The following GLB1 variants were observed in gnomAD, a reference collection of about 807,000 sequenced individuals.
GLB1 encodes the protein galactosidase beta 1, also known as beta-galactosidase.
GLB1 carries 56 observed loss-of-function variants against 74.0 expected under a neutral mutation model. The ratio of observed to expected loss-of-function variants is 0.76; its 90% CI spans 0.61 to 0.94. GLB1 has a LOEUF of 0.94. Ranked by LOEUF, GLB1 falls within the 40% of genes least tolerant of loss-of-function variation. The pLI, the probability that GLB1 is intolerant of heterozygous loss-of-function variation, is 0.00. For missense variants in GLB1, 787 were observed against 845.5 expected (o/e 0.93, Z 0.86); for synonymous variants, 323 against 323.6 (o/e 1.00, Z 0.02).
intron 10 of GLB1, among the ~76,000 whole-genome samples, chr3:33,026,370 G>A (rs1697755827): frequency 6.6e-6 from 1 of 152,194 alleles, no homozygotes; most frequent in South Asian, 2.1e-4. Flanking sequence ...CTGGACTTTG[G>A]GCACCGATGA....
intron 15 of GLB1, among the ~76,000 whole-genome samples, chr3:33,011,571 G>A (rs1260589024): frequency 6.7e-6 from 1 of 150,128 alleles, no homozygotes; most frequent in African/African-American, 2.4e-5. Flanking sequence ...CTTGAGCCCG[G>A]GAGGCAGAGG....
chr3:32,965,559 T>C, the GLB1 span, among the ~76,000 whole-genome samples: 1 of 152,066 alleles, frequency 6.6e-6, no homozygotes, highest in South Asian at 2.1e-4. Flanking sequence ...ATTTGCCGAC[T>C]GATGATTTAA....
At position 32,999,048 on chromosome 3, in the gene GLB1, G is replaced by A. The variant is rs150423758; in HGVS notation, c.1735-1704C>T. ...AAGGAACAGTGTGTGGCCTGTAAGC[G>A]GTAGCACTCCTTACATGATTAAAGT... On this transcript the variant is annotated intron_variant, in intron 15 of 15. Transcript: ENST00000307363. 2.6e-3 allele frequency among the ~76,000 whole-genome samples: 397 copies of A among 152,288 alleles called. 3 individuals are homozygous for A. The highest frequency in any genetic ancestry group is 4.1e-3 in the Admixed American group (63 of 15,292).
At chr3:33,067,928 C>G (rs1414255580) in intron 4 of GLB1, among the ~76,000 whole-genome samples, 1 of 152,186 alleles carries the variant, frequency 6.6e-6, no homozygotes, top group East Asian at 1.9e-4. Context: ...CTTTGTCACC[C>G]AGGCTATAGT....
intron 4 of GLB1, among the ~76,000 whole-genome samples, chr3:33,065,785 T>A (rs915513666): frequency 2.0e-5 from 3 of 151,920 alleles, no homozygotes; most frequent in East Asian, 3.9e-4. Flanking sequence ...CTGACCAACA[T>A]GGAGAAACCC....
At chr3:32,984,138 C>T in the GLB1 span, among the ~76,000 whole-genome samples, 2 of 152,150 alleles carry the variant, frequency 1.3e-5, no homozygotes, top group East Asian at 3.9e-4. Flanking sequence ...TTGGACTAAT[C>T]TTGTGACACA....
downstream of GLB1, among the ~76,000 whole-genome samples, chr3:32,992,670 T>C (rs994695627): frequency 6.6e-6 from 1 of 152,194 alleles, no homozygotes; most frequent in Non-Finnish European, 1.5e-5. Flanking sequence ...TCAAAGCCTG[T>C]CCTGTTGTAT....
chr3:33,077,505 C>A, intron 1 of GLB1: 1 of 719,338 alleles, frequency 1.4e-6, no homozygotes. Context: ...GGGAACCTCC[C>A]ACTTCACTCC....
At position 33,058,186 on chromosome 3, in the gene GLB1, C is replaced by T. The variant is rs746141370; in HGVS notation, c.636G>A (p.Gly212=). The T allele has an allele frequency of 2.5e-6, 4 of 1,613,998 alleles. No individual in the cohort carries two copies. In the Admixed American group the frequency reaches 6.7e-5, roughly 27 times the overall value. ...FLQKRFRHHL[G]DDVVLFTTDG... ...CAGTGGTAAACAGAACCACATCATCCCCCAGATGGTGGCGAAAGCGCTTCT... is the reference window on the plus strand; with the variant it reads ...CAGTGGTAAACAGAACCACATCATCTCCCAGATGGTGGCGAAAGCGCTTCT... The change falls in exon 6 of 16, where the codon GGG becomes GGA. Residue 212 remains glycine, a synonymous_variant. Transcript: ENST00000307363.
intron 12 of GLB1, 21 bp downstream of exon 12, chr3:33,021,545 G>GCATT (rs757999457): frequency 6.2e-7 from 1 of 1,611,260 alleles, no homozygotes; most frequent in Non-Finnish European, 8.5e-7. Context: ...AAAAGGCGAG[G>GCATT]CATTACCTTT....
At chr3:33,028,523 A>C (rs1403886815) in intron 10 of GLB1, among the ~76,000 whole-genome samples, 2 of 151,984 alleles carry the variant, frequency 1.3e-5, no homozygotes. Context: ...CTATAGCATT[A>C]TCCTTTTAAA....
intron 10 of GLB1, among the ~76,000 whole-genome samples, chr3:33,032,569 C>G (rs991083252): frequency 2.8e-5 from 4 of 142,510 alleles, no homozygotes; most frequent in African/African-American, 9.9e-5. Context: ...ACCTCCTGAA[C>G]ACTTTTCTTT....
intron 1 of GLB1, 137 bp from the exon 2 acceptor site, chr3:33,072,850 C>A: frequency 7.1e-7 from 1 of 1,410,910 alleles, no homozygotes; most frequent in South Asian, 1.3e-5. Flanking sequence ...GTTTTCTGAG[C>A]TATCATACAA....
At chr3:32,964,075 T>C in the GLB1 span, among the ~76,000 whole-genome samples, 2 of 152,146 alleles carry the variant, frequency 1.3e-5, no homozygotes, top group African/African-American at 4.8e-5. Context: ...TGGTATGAGA[T>C]AGGTACAAGA....
At position 33,068,263 on chromosome 3, in the gene GLB1, T is replaced by A. The variant is rs776213501; in HGVS notation, c.424A>T (p.Lys142Ter). 2 of 1,614,010 alleles carry A rather than the reference T, an allele frequency of 1.2e-6. No individual in the cohort carries two copies. The highest frequency in any genetic ancestry group is 4.5e-5 in the East Asian group (2 of 44,872). ...MGGLPAWLLE[K>*]ESILLRSSDP... ...GAGGAGCGGAGAAGAATAGACTCTT[T>A]CTCTAGCAGCCAAGCAGGTAATCCT... Residue 142 changes from lysine (K) to a stop codon, truncating the protein, a stop_gained, in exon 4 of 16, where the codon AAA (lysine) becomes TAA (stop). Coordinates refer to ENST00000307363, the MANE Select transcript of GLB1 (RefSeq NM_000404.4). LOFTEE classifies it high-confidence loss of function.
chr3:33,046,022 A>G, intron 10 of GLB1, 98 bp downstream of exon 10: 1 of 1,442,722 alleles, frequency 6.9e-7, no homozygotes, highest in Non-Finnish European at 9.5e-7. Context: ...CCTTTTAAAC[A>G]GGAGGGCTCC....
At chr3:33,027,082 G>T (rs1697796540) in intron 10 of GLB1, among the ~76,000 whole-genome samples, 1 of 152,232 alleles carries the variant, frequency 6.6e-6, no homozygotes, top group Non-Finnish European at 1.5e-5. Context: ...CCTTTGGGGA[G>T]CCCAGACCTG....
chr3:33,041,505 T>C (rs1482139620), intron 10 of GLB1, among the ~76,000 whole-genome samples: 1 of 151,596 alleles, frequency 6.6e-6, no homozygotes, highest in African/African-American at 2.4e-5. Context: ...CTACTAAAAA[T>C]ACAAAAATTA....
intron 6 of GLB1, among the ~76,000 whole-genome samples, chr3:33,055,648 T>C (rs534001896): frequency 6.6e-6 from 1 of 151,682 alleles, no homozygotes; most frequent in African/African-American, 2.4e-5. Flanking sequence ...TTTGTATCTT[T>C]AGTGGAGATG....
Sources: allele counts gnomAD v4.1 joint callset (sites outside exome capture counted in the v4.1 genomes callset), GRCh38; gene constraint gnomAD v4.1.1; transcripts MANE v1.5; gene names NCBI Gene and HGNC (gene_info 2026-07-23, HGNC 2026-07-21).